UQCC1: variants seen among roughly 807,000 people sequenced by gnomAD.
The protein encoded by UQCC1 is ubiquinol-cytochrome c reductase complex assembly factor 1, also known as bFGF-repressed Zic-binding protein.
A neutral mutation model predicts 48.0 loss-of-function variants in UQCC1; 38 were observed. That is an observed-to-expected ratio of 0.79 (90% CI 0.61 to 1.04). UQCC1 has a LOEUF of 1.04. Ranked by LOEUF, UQCC1 falls within the 50% of genes least tolerant of loss-of-function variation. The pLI, the probability that UQCC1 is intolerant of heterozygous loss-of-function variation, is 0.00. For missense variants in UQCC1, 368 were observed against 381.8 expected, an observed-to-expected ratio of 0.96 and a Z score of 0.30; for synonymous variants, 111 against 129.2, an observed-to-expected ratio of 0.86 and a Z score of 0.95.
chr20:35,408,547 G>A (rs771159359), intron 1 of UQCC1, among the ~76,000 whole-genome samples: 1 of 152,136 alleles, frequency 6.6e-6, no homozygotes, highest in Non-Finnish European at 1.5e-5. Context: ...AAAACAGTAG[G>A]ACAATTCCTC....
intron 6 of UQCC1, among the ~76,000 whole-genome samples, chr20:35,364,770 C>T (rs1409308209): frequency 2.0e-5 from 3 of 152,226 alleles, no homozygotes; most frequent in Admixed American, 2.0e-4. Context: ...TTTCAAGGTT[C>T]TCCCATCTGC....
chr20:35,378,759 G>T (rs1443983798), intron 4 of UQCC1, among the ~76,000 whole-genome samples: 1 of 152,194 alleles, frequency 6.6e-6, no homozygotes, highest in African/African-American at 2.4e-5. Flanking sequence ...CAAGACCAAT[G>T]ACCTTGTAAG....
chr20:35,386,943 C>T (rs1285728227), intron 2 of UQCC1, among the ~76,000 whole-genome samples: 13 of 151,982 alleles, frequency 8.6e-5, no homozygotes, highest in Admixed American at 8.5e-4. Flanking sequence ...AAAATTCACT[C>T]GACCCTTAAA....
At chr20:35,395,682 A>G (rs6579234) in intron 1 of UQCC1, among the ~76,000 whole-genome samples, 84,805 of 151,822 alleles carry the variant, frequency 0.56, 24,418 homozygotes, top group East Asian at 0.72. Context: ...GGACAGAAGC[A>G]ACTACACTCA....
intron 1 of UQCC1, among the ~76,000 whole-genome samples, chr20:35,398,730 T>C (rs2062116465): frequency 9.4e-6 from 1 of 106,326 alleles, no homozygotes; most frequent in East Asian, 3.2e-4. Flanking sequence ...AAGAGGAAAC[T>C]GCTTCAGATT....
At chr20:35,333,797 A>G (rs547097462) in intron 7 of UQCC1, among the ~76,000 whole-genome samples, 2 of 151,644 alleles carry the variant, frequency 1.3e-5, no homozygotes, top group Non-Finnish European at 2.9e-5. Context: ...GACTGTGAAA[A>G]CTCTTGGCTG....
At chr20:35,409,811 T>G (rs1032425448) in intron 1 of UQCC1, among the ~76,000 whole-genome samples, 1 of 101,688 alleles carries the variant, frequency 9.8e-6, no homozygotes, top group Non-Finnish European at 2.4e-5. Flanking sequence ...CAGGAATACT[T>G]CTTTTTTTTT....
At chr20:35,362,807 C>G (rs980865386) in intron 6 of UQCC1, among the ~76,000 whole-genome samples, 2 of 152,082 alleles carry the variant, frequency 1.3e-5, no homozygotes, top group African/African-American at 4.8e-5. Flanking sequence ...CCAAAGACCA[C>G]TTTTCAAGTA....
chr20:35,397,180 TAG>T (rs960010172), intron 1 of UQCC1, among the ~76,000 whole-genome samples: 1 of 116,940 alleles, frequency 8.6e-6, no homozygotes, highest in South Asian at 2.7e-4. Flanking sequence ...GCCTGGGCGA[TAG>T]AGAGGGAGAC....
At chr20:35,315,315 G>A (rs2061045159) in intron 7 of UQCC1, 1 of 153,060 alleles carries the variant, frequency 6.5e-6, no homozygotes, top group Non-Finnish European at 1.5e-5. Context: ...CAAAGGTGCA[G>A]AGGCTGGAAA....
chr20:35,352,148 A>C (rs2061496327), intron 6 of UQCC1, among the ~76,000 whole-genome samples: 1 of 152,262 alleles, frequency 6.6e-6, no homozygotes, highest in Non-Finnish European at 1.5e-5. Flanking sequence ...CCTGGATCTT[A>C]GAAGGATAAG....
chr20:35,331,108 G>A (rs561748634), intron 7 of UQCC1, among the ~76,000 whole-genome samples: 7 of 152,056 alleles, frequency 4.6e-5, no homozygotes, highest in East Asian at 1.9e-4. Context: ...TTAGCAAAAC[G>A]GTATGGGACA....
At chr20:35,344,791 T>C (rs1174802672) in intron 7 of UQCC1, 1 of 152,326 alleles carries the variant, frequency 6.6e-6, no homozygotes, top group Non-Finnish European at 1.5e-5. Context: ...TTTTGTATGC[T>C]AATGATTGGT....
At chr20:35,402,662 G>A (rs187510709) in intron 1 of UQCC1, among the ~76,000 whole-genome samples, 59 of 151,732 alleles carry the variant, frequency 3.9e-4, no homozygotes, top group African/African-American at 1.3e-3. Flanking sequence ...GCATGGTGGC[G>A]CATGCTGGTA....
chr20:35,349,282 C>G (rs1257268735), intron 6 of UQCC1, among the ~76,000 whole-genome samples: 2 of 152,200 alleles, frequency 1.3e-5, no homozygotes, highest in African/African-American at 4.8e-5. Context: ...AATACTTCAA[C>G]AGGTTGAATC....
At chr20:35,383,990 C>T (rs775191593) in intron 3 of UQCC1, 48 bp downstream of exon 3, 1 of 1,532,924 alleles carries the variant, frequency 6.5e-7, no homozygotes, top group South Asian at 1.1e-5. Flanking sequence ...CCAAAGAACA[C>T]CTGTGTGAAA....
intron 6 of UQCC1, among the ~76,000 whole-genome samples, chr20:35,360,186 C>T (rs1460098260): frequency 1.1e-4 from 16 of 152,180 alleles, no homozygotes. Context: ...GGTGTTTGAA[C>T]ACTGCAACTC....
At chr20:35,394,331 C>A in intron 1 of UQCC1, 135 bp from the exon 2 acceptor site, 1 of 735,592 alleles carries the variant, frequency 1.4e-6, no homozygotes, top group Non-Finnish European at 2.2e-6. Context: ...TGGCACAGAG[C>A]TCCTAAAACC....
In UQCC1 at chr20:35,305,546, T is replaced by G. The variant is rs1225397850; in HGVS notation, c.765+1120A>C. ...AGTCCAGTCAACAGAGTATCAGAAT[T>G]CTCTGTGAGTGGGGCCCTCTGGCCA... On this transcript the variant is annotated intron_variant, in intron 9 of 9. Coordinates refer to ENST00000374385, the MANE Select transcript of UQCC1 (RefSeq NM_018244.5). Among the ~76,000 whole-genome samples the G allele has an allele frequency of 3.9e-5, 6 of 152,228 alleles. No individual in the cohort carries two copies. In the East Asian group the frequency reaches 9.6e-4, roughly 24 times the overall value.
Sources: allele counts gnomAD v4.1 joint callset (sites outside exome capture counted in the v4.1 genomes callset), GRCh38; gene constraint gnomAD v4.1.1; transcripts MANE v1.5; gene names NCBI Gene and HGNC (gene_info 2026-07-23, HGNC 2026-07-21).